The following COL4A3 variants were observed in gnomAD, a reference collection of about 807,000 sequenced individuals.
COL4A3 encodes collagen alpha-3(IV) chain.
Under a neutral mutation model 217.4 loss-of-function variants are expected in COL4A3, and 135 were observed. The ratio of observed to expected loss-of-function variants is 0.62; its 90% CI spans 0.54 to 0.72. The LOEUF (loss-of-function observed/expected upper bound fraction) is 0.72. Ranked by LOEUF, COL4A3 falls within the 30% of genes least tolerant of loss-of-function variation. The pLI is 0.00. For synonymous variants in COL4A3, 690 were observed against 736.3 expected (o/e 0.94, Z 1.02); for missense variants, 1,868 against 2,119.9 (o/e 0.88, Z 2.33).
chr2:227,230,138 T>C (rs558771987), intron 1 of COL4A3, among the ~76,000 whole-genome samples: 1 of 152,226 alleles, frequency 6.6e-6, no homozygotes, highest in African/African-American at 2.4e-5. Context: ...TCCGTATATA[T>C]TCAGTAGGTC....
At position 227,314,279 on chromosome 2, in the gene COL4A3, A is replaced by G. The variant is rs1003710233; in HGVS notation, c.*2409A>G. 6 of 152,638 alleles carry G rather than the reference A, an allele frequency of 3.9e-5. No individual in the cohort carries two copies. The highest frequency in any genetic ancestry group is 1.4e-4 in the African/African-American group (6 of 41,450). The allele number at this position is 152,638 out of a possible 1,614,324, so 9.5% of individuals were successfully genotyped here. On this transcript the variant is annotated 3_prime_UTR_variant, in exon 52 of 52. Transcript: ENST00000396578. ...AGTGATGCTAAAACCTGAAATTCCAATGAAGCCATATGAACAGCTGTTCAG... is the reference window on the plus strand; with the variant it reads ...AGTGATGCTAAAACCTGAAATTCCAGTGAAGCCATATGAACAGCTGTTCAG...
At position 227,191,218 on chromosome 2, in the gene COL4A3, A is replaced by G. The variant is rs900216834; in HGVS notation, c.87+26405A>G. ...TTTTATTATTATAAGTAATACTGCT[A>G]TGATCATGCCAATGACACTCTGCTT... On this transcript the variant is annotated intron_variant, in intron 1 of 51. Transcript: ENST00000396578. The surrounding 1 kb of genome is among the most constrained non-coding windows in gnomAD (Gnocchi z 6.8). 6.6e-6 allele frequency among the ~76,000 whole-genome samples: 1 copy of G among 152,136 alleles called. No individual in the cohort carries two copies. Among genetic ancestry groups the G allele is most frequent in the Non-Finnish European group, 1.5e-5 (1 of 68,038 alleles).
At chr2:227,205,709 TA>T (rs779396275) in intron 1 of COL4A3, among the ~76,000 whole-genome samples, 11 of 131,660 alleles carry the variant, frequency 8.4e-5, no homozygotes, top group East Asian at 2.1e-4. Flanking sequence ...ATTCAACAAA[TA>T]TTTTTTTTTT....
rs373177798 is a variant in COL4A3, at chr2:227,280,894, A to C, written c.2376A>C (p.Gly792=). The change falls in exon 31 of 52, where the codon GGA becomes GGC. Residue 792 remains glycine (G), a splice_region_variant and synonymous_variant. Transcript: ENST00000396578. ...PGNEGLDGPR[G]DPGQPGPPGE... is the part of the protein sequence containing the mutation. ...ATATACTTGTGCTTTCTTTTGCAGG[A>C]GATCCAGGGCAGCCTGGACCACCTG... 32 of 1,551,320 alleles carry C rather than the reference A, an allele frequency of 2.1e-5. No homozygotes were observed. The African/African-American group carries it at 4.4e-4, about 21-fold the overall frequency.
Position 227,244,975 on chromosome 2 carries a change from T to C in COL4A3, c.304T>C (p.Ser102Pro), listed in dbSNP as rs375028468. The C allele has an allele frequency of 8.1e-6, 13 of 1,613,414 alleles. No homozygotes were observed. The highest frequency in any genetic ancestry group is 1.0e-5 in the Non-Finnish European group (12 of 1,179,632). ...VRGISGLPGF[S>P]GSPGLPGTPG... is the part of the protein sequence containing the mutation. ...GGGAATAAGTGGATTGCCAGGATTT[T>C]CTGGTTCTCCTGGACTTCCAGTAAG... is the stretch of plus-strand genomic sequence containing the variant. Residue 102 changes from serine (S) to proline (P), a missense_variant, in exon 5 of 52, where the codon TCT becomes CCT. Transcript: ENST00000396578.
intron 1 of COL4A3, among the ~76,000 whole-genome samples, chr2:227,200,896 C>G (rs1221365640): frequency 6.6e-6 from 1 of 152,164 alleles, no homozygotes; most frequent in Non-Finnish European, 1.5e-5. Flanking sequence ...CCTCAACTCT[C>G]TGCTTATGTT....
Position 227,253,747 on chromosome 2 carries a change from C to T in COL4A3, c.765+109C>T. On this transcript the variant is annotated intron_variant, in intron 13 of 51. Coordinates refer to ENST00000396578, the MANE Select transcript of COL4A3 (RefSeq NM_000091.5). This position sits in a 1 kb window ranked among gnomAD's most constrained non-coding sequence, Gnocchi z 4.4. ...TCTTGTTATCTAAGTCCAGCTCAGC[C>T]CAGCTCCCTCAGCCAGCCAGAACCT... is the stretch of plus-strand genomic sequence containing the variant. 3.1e-6 allele frequency: 3 copies of T among 972,092 alleles called. No homozygotes were observed. The highest frequency in any genetic ancestry group is 2.4e-5 in the East Asian group (1 of 41,988). 60.2% of individuals were successfully genotyped at this position (972,092 alleles called of 1,614,324 possible).
chr2:227,225,713 T>TTA (rs200706733), intron 1 of COL4A3, among the ~76,000 whole-genome samples: 1,938 of 148,848 alleles, frequency 0.013, 37 homozygotes, highest in African/African-American at 0.045. Context: ...TTCTTTCTTT[T>TTA]TTTTTTTTTT....
At chr2:227,288,951 G>GTTTTT (rs200614219) in intron 34 of COL4A3, among the ~76,000 whole-genome samples, 199 bp from the exon 35 acceptor site, 1 of 133,382 alleles carries the variant, frequency 7.5e-6, no homozygotes, top group Non-Finnish European at 1.6e-5. Context: ...TTTGTTTTGG[G>GTTTTT]TTTTTTTTTT....
chr2:227,192,592 C>T (rs779381510), intron 1 of COL4A3, among the ~76,000 whole-genome samples: 7 of 152,188 alleles, frequency 4.6e-5, no homozygotes, highest in African/African-American at 1.7e-4. Context: ...GATCACTTGA[C>T]GGTCTCATGT....
intron 36 of COL4A3, 81 bp downstream of exon 36, chr2:227,290,169 G>A (rs955744307): frequency 1.4e-5 from 19 of 1,366,368 alleles, no homozygotes; most frequent in Middle Eastern, 3.6e-4. Context: ...GTACTGTTTT[G>A]GTTTTCCACT....
At chr2:227,265,901 T>C (rs929497206) in intron 21 of COL4A3, 2 of 158,956 alleles carry the variant, frequency 1.3e-5, no homozygotes, top group African/African-American at 4.8e-5. Flanking sequence ...GAAGCAAACA[T>C]GTCCTTCTTC....
At chr2:227,306,158 C>T (rs572906111) in intron 47 of COL4A3, among the ~76,000 whole-genome samples, 2 of 152,216 alleles carry the variant, frequency 1.3e-5, no homozygotes, top group South Asian at 4.2e-4. Flanking sequence ...ATGACCAAGG[C>T]TTTAATGCCC....
At chr2:227,186,742 G>T (rs1224732643) in intron 1 of COL4A3, among the ~76,000 whole-genome samples, 2 of 152,126 alleles carry the variant, frequency 1.3e-5, no homozygotes, top group Non-Finnish European at 2.9e-5. Context: ...GACAGGTGAA[G>T]AATAGAAAAG....
chr2:227,203,889 T>TC (rs1559823921), intron 1 of COL4A3, among the ~76,000 whole-genome samples: 1 of 151,954 alleles, frequency 6.6e-6, no homozygotes, highest in African/African-American at 2.4e-5. Flanking sequence ...CCCATTCCCC[T>TC]AAAATATAAG....
At chr2:227,224,804 A>G (rs2067999398) in intron 1 of COL4A3, among the ~76,000 whole-genome samples, 1 of 152,266 alleles carries the variant, frequency 6.6e-6, no homozygotes, top group South Asian at 2.1e-4. Flanking sequence ...ACAATTAATA[A>G]ATTATAGGAC....
intron 2 of COL4A3, among the ~76,000 whole-genome samples, chr2:227,239,245 TA>T (rs11331207): frequency 0.54 from 82,445 of 151,746 alleles, 22,495 homozygotes; most frequent in South Asian, 0.59. Context: ...ATAATACAAA[TA>T]AAAAAATGCA....
At chr2:227,246,643 T>A (rs777243346) in intron 6 of COL4A3, 42 bp from the exon 7 acceptor site, 2 of 1,525,524 alleles carry the variant, frequency 1.3e-6, no homozygotes. Flanking sequence ...TAGGCTCTTC[T>A]AGAACAACTA....
intron 38 of COL4A3, 168 bp from the exon 39 acceptor site, chr2:227,294,322 C>A: frequency 1.5e-6 from 1 of 689,568 alleles, no homozygotes; most frequent in East Asian, 2.6e-5. Context: ...ACTGGTTCTC[C>A]AGGAAAATTG....
Sources: gnomAD v4.1 joint callset for allele counts (sites outside exome capture counted in the v4.1 genomes callset) on GRCh38, gnomAD v4.1.1 for gene constraint, Gnocchi (gnomAD v3.1) non-coding constraint, MANE v1.5 for transcripts, NCBI Gene and HGNC (gene_info 2026-07-23, HGNC 2026-07-21) for gene names.